Variants in NAALADL2 observed in about 807,000 individuals in gnomAD.
The protein encoded by NAALADL2 is N-acetylated alpha-linked acidic dipeptidase like 2.
In NAALADL2, 76 loss-of-function variants were observed where a neutral mutation model predicts 87.2. That is an observed-to-expected ratio of 0.87 (90% CI 0.72 to 1.05). The LOEUF is 1.05. NAALADL2 is among the 50% of genes least tolerant of loss of function. The pLI is 0.00. For synonymous variants in NAALADL2, 354 were observed against 331.0 expected, an observed-to-expected ratio of 1.07 and a Z score of -0.75; for missense variants, 1,089 against 945.8, an observed-to-expected ratio of 1.15 and a Z score of -1.99.
chr3:175,466,928 T>A, intron 7 of NAALADL2, 51 bp from the exon 8 acceptor site: 3 of 1,366,100 alleles, frequency 2.2e-6, no homozygotes. Flanking sequence ...ATTAAATTTA[T>A]TGTTAAGGTT....
At chr3:175,793,421 T>TG (rs1265471387) in intron 13 of NAALADL2, among the ~76,000 whole-genome samples, 1 of 150,710 alleles carries the variant, frequency 6.6e-6, no homozygotes, top group Non-Finnish European at 1.5e-5. Context: ...GCCATTCTCC[T>TG]GCCTCACCCT....
intron 1 of NAALADL2, 103 bp downstream of exon 1, chr3:174,859,553 C>A (rs1260338972): frequency 1.1e-6 from 1 of 874,160 alleles, no homozygotes; most frequent in African/African-American, 1.7e-5. Context: ...ACACGCATCC[C>A]TGCATGCATG....
At chr3:175,654,885 C>T (rs1321337627) in intron 11 of NAALADL2, among the ~76,000 whole-genome samples, 1 of 151,526 alleles carries the variant, frequency 6.6e-6, no homozygotes, top group Non-Finnish European at 1.5e-5. Context: ...TTTAAGGTTT[C>T]TGATATTGCA....
chr3:174,571,379 T>TC (rs1382927967), intron 2 of NAALADL2, among the ~76,000 whole-genome samples: 2 of 152,042 alleles, frequency 1.3e-5, no homozygotes, highest in Admixed American at 1.3e-4. Context: ...GCATGTAAAT[T>TC]CTTTTTTTTT....
chr3:174,441,054 T>C (rs1225410694), intron 1 of NAALADL2: 1 of 152,072 alleles, frequency 6.6e-6, no homozygotes, highest in Non-Finnish European at 1.5e-5. Flanking sequence ...CCTTTTCTTT[T>C]CAAAGTTTTG....
Position 174,928,036 on chromosome 3 carries a change from T to C in NAALADL2, c.43+68586T>C, listed in dbSNP as rs117839653. ...TCTTATTTTTATGTATTTTTCTTTATGTATATTTATAGGAAAAAGTGAATG... is the reference window on the plus strand; with the variant it reads ...TCTTATTTTTATGTATTTTTCTTTACGTATATTTATAGGAAAAAGTGAATG... On this transcript the variant is annotated intron_variant, in intron 1 of 13. Transcript: ENST00000454872. 2.9e-4 allele frequency among the ~76,000 whole-genome samples: 44 copies of C among 152,282 alleles called. No individual in the cohort carries two copies. The East Asian group carries it at 4.6e-3, about 16-fold the overall frequency.
At chr3:175,592,997 T>A (rs950810861) in intron 10 of NAALADL2, among the ~76,000 whole-genome samples, 2 of 152,132 alleles carry the variant, frequency 1.3e-5, no homozygotes, top group African/African-American at 4.8e-5. Context: ...AATTCTTTTT[T>A]AAAAAAATTA....
intron 3 of NAALADL2, among the ~76,000 whole-genome samples, chr3:174,796,531 C>A (rs186501655): frequency 2.6e-5 from 4 of 151,852 alleles, no homozygotes; most frequent in African/African-American, 9.7e-5. Flanking sequence ...CACTTCCATC[C>A]ATGTTGTGCT....
In NAALADL2 at chr3:174,948,162, C is replaced by CTTATTTAT. The variant is rs140866333; in HGVS notation, c.43+88735_43+88742dup. Among the ~76,000 whole-genome samples the CTTATTTAT allele has an allele frequency of 4.8e-3, 723 of 150,188 alleles. 6 individuals are homozygous for CTTATTTAT. The highest frequency in any genetic ancestry group is 0.016 in the African/African-American group (649 of 40,508). On this transcript the variant is annotated intron_variant, in intron 1 of 13. Transcript: ENST00000454872. ...TATATTCATGGAGGCCCATATAGAA[C>CTTATTTAT]TTATTTATTTATTTATTTATTTATT...
intron 1 of NAALADL2, among the ~76,000 whole-genome samples, chr3:175,096,269 A>T (rs1721137292): frequency 6.6e-6 from 1 of 152,018 alleles, no homozygotes; most frequent in Non-Finnish European, 1.5e-5. Context: ...TTTTATAATG[A>T]ATTTGTGTTT....
chr3:174,870,396 A>G (rs779315281), intron 1 of NAALADL2, among the ~76,000 whole-genome samples: 44 of 152,152 alleles, frequency 2.9e-4, no homozygotes, highest in Non-Finnish European at 4.4e-4. Flanking sequence ...ACCACTGACC[A>G]TATAGTATGA....
chr3:175,137,203 A>G (rs1729237559), intron 2 of NAALADL2, among the ~76,000 whole-genome samples: 1 of 152,160 alleles, frequency 6.6e-6, no homozygotes. Context: ...ATAAATATAG[A>G]AAAAAAGGTT....
intron 1 of NAALADL2, among the ~76,000 whole-genome samples, chr3:174,890,791 C>T (rs935594274): frequency 2.0e-5 from 3 of 152,012 alleles, no homozygotes; most frequent in Non-Finnish European, 4.4e-5. Context: ...TTTCTTGATT[C>T]TGTGAACAAT....
chr3:175,156,300 A>T (rs1191217027), intron 2 of NAALADL2, among the ~76,000 whole-genome samples: 1 of 91,556 alleles, frequency 1.1e-5, no homozygotes, highest in Non-Finnish European at 2.9e-5. Context: ...CATGTTCTTT[A>T]TTCTCAGACA....
Position 175,367,145 on chromosome 3 carries a change from G to A in NAALADL2, c.1090+42820G>A, listed in dbSNP as rs554811429. 4.1e-3 allele frequency among the ~76,000 whole-genome samples: 623 copies of A among 151,344 alleles called. 11 individuals are homozygous for A. The highest frequency in any genetic ancestry group is 0.014 in the African/African-American group (579 of 40,854). ...CTTTCCCCATTGCTTGTTTTTCTCAGGTTTGTCAAAGATCAGATAGTTGTA... is the reference window on the plus strand; with the variant it reads ...CTTTCCCCATTGCTTGTTTTTCTCAAGTTTGTCAAAGATCAGATAGTTGTA... On this transcript the variant is annotated intron_variant, in intron 5 of 13. Coordinates refer to ENST00000454872, the MANE Select transcript of NAALADL2 (RefSeq NM_207015.3).
intron 1 of NAALADL2, among the ~76,000 whole-genome samples, chr3:174,972,126 C>G (rs956568082): frequency 3.9e-5 from 6 of 152,086 alleles, no homozygotes; most frequent in African/African-American, 1.5e-4. Context: ...AGAAACTTTT[C>G]ATTGATTGAA....
At chr3:174,707,444 C>T (rs367733553) in intron 2 of NAALADL2, among the ~76,000 whole-genome samples, 4 of 152,076 alleles carry the variant, frequency 2.6e-5, no homozygotes, top group Non-Finnish European at 2.9e-5. Flanking sequence ...GGCACATATA[C>T]ACCATGGAAT....
chr3:174,749,420 T>A (rs754066643), intron 3 of NAALADL2, among the ~76,000 whole-genome samples: 18 of 151,892 alleles, frequency 1.2e-4, no homozygotes, highest in Non-Finnish European at 2.2e-4. Flanking sequence ...GTTGAATACA[T>A]AAATCACATC....
At chr3:175,013,183 T>C (rs1360278380) in intron 1 of NAALADL2, among the ~76,000 whole-genome samples, 2 of 96,034 alleles carry the variant, frequency 2.1e-5, no homozygotes, top group South Asian at 2.5e-4. Flanking sequence ...CATATTTATA[T>C]ATAAATATAT....
Sources: allele counts gnomAD v4.1 joint callset (sites outside exome capture counted in the v4.1 genomes callset), GRCh38; gene constraint gnomAD v4.1.1; transcripts MANE v1.5; gene names NCBI Gene and HGNC (gene_info 2026-07-23, HGNC 2026-07-21).